KCNT1: variants seen among roughly 807,000 people sequenced by gnomAD.
KCNT1 encodes the protein potassium channel subfamily T member 1.
In KCNT1, 78 loss-of-function variants were observed where a neutral mutation model predicts 147.8. The observed-to-expected ratio is 0.53, with a 90% CI of 0.44 to 0.64. The LOEUF (loss-of-function observed/expected upper bound fraction) is 0.64. KCNT1 is among the 30% of genes least tolerant of loss of function. KCNT1 has a pLI of 0.00. For missense variants in KCNT1, 1,419 were observed against 1,750.3 expected, an observed-to-expected ratio of 0.81 and a Z score of 3.38; for synonymous variants, 867 against 748.8, an observed-to-expected ratio of 1.16 and a Z score of -2.58.
chr9:135,760,168 T>A (rs1018895376), intron 11 of KCNT1, among the ~76,000 whole-genome samples: 1 of 151,340 alleles, frequency 6.6e-6, no homozygotes, highest in Non-Finnish European at 1.5e-5. Context: ...CAGGGAAGGG[T>A]CAAGGTGGAC....
rs1371633827 is a variant in KCNT1 at position 135,752,385 on chromosome 9, A to G, written c.434+1344A>G. ...ACCTCCTGTCTTTGTCTAGGTCAGA[A>G]GAGGGCAGAACCCACTAGGAGAGTT... On this transcript the variant is annotated intron_variant, in intron 4 of 30. Transcript: ENST00000371757. This position sits in a 1 kb window ranked among gnomAD's most constrained non-coding sequence, Gnocchi z 5.1. 4.4e-6 allele frequency: 2 copies of G among 456,502 alleles called. No individual in the cohort carries two copies. Among genetic ancestry groups the G allele is most frequent in the East Asian group, 1.4e-4 (2 of 14,356 alleles). 28.3% of individuals were successfully genotyped at this position (456,502 alleles called of 1,614,324 possible). A position where few individuals can be genotyped will look rare whatever the true frequency, so the allele number is the denominator to read the frequency against.
intron 1 of KCNT1, among the ~76,000 whole-genome samples, chr9:135,710,209 T>G (rs1207728205): frequency 1.3e-5 from 2 of 152,214 alleles, no homozygotes; most frequent in Non-Finnish European, 2.9e-5. Flanking sequence ...ATAAAAGGCC[T>G]TCTCAGCTCT....
intron 2 of KCNT1, among the ~76,000 whole-genome samples, chr9:135,749,369 C>T (rs1043122386): frequency 2.5e-4 from 38 of 152,334 alleles, no homozygotes; most frequent in African/African-American, 8.9e-4. Context: ...TCAGGACCGC[C>T]GGGGCCCGGT....
intron 2 of KCNT1, among the ~76,000 whole-genome samples, chr9:135,736,156 C>A (rs1234623725): frequency 6.6e-6 from 1 of 152,158 alleles, no homozygotes; most frequent in African/African-American, 2.4e-5. Flanking sequence ...CAGCCATCAC[C>A]CCCCTGGCCA....
chr9:135,706,189 T>C (rs899667544), intron 1 of KCNT1, among the ~76,000 whole-genome samples: 6 of 152,194 alleles, frequency 3.9e-5, no homozygotes, highest in Admixed American at 6.5e-5. Flanking sequence ...GAGGTTGTGT[T>C]GAGCCCATGC....
chr9:135,768,439 CCCGCCTTCCATCCTCT>C (rs1311840614), intron 13 of KCNT1, 155 bp from the exon 14 acceptor site: 209 of 583,598 alleles, frequency 3.6e-4, no homozygotes, highest in African/African-American at 1.1e-3. Context: ...TTCCATCCTC[CCCGCCTTCCATCCTCT>C]CCGCCTTCCA....
chr9:135,774,405 G>GTGTGTGGTGTGTGTCTGTGTGT (rs1832989760), intron 19 of KCNT1, among the ~76,000 whole-genome samples: 1 of 145,476 alleles, frequency 6.9e-6, no homozygotes, highest in African/African-American at 2.6e-5. Flanking sequence ...GTGTCCGTGT[G>GTGTGTGGTGTGTGTCTGTGTGT]TGTGTGGTGT....
Position 135,768,594 on chromosome 9 carries a change from C to A in KCNT1, c.1338-16C>A, listed in dbSNP as rs1452435743. The A allele has an allele frequency of 2.6e-6, 4 of 1,549,490 alleles. No homozygotes were observed. Among genetic ancestry groups the A allele is most frequent in the Admixed American group, 2.0e-5 (1 of 50,950 alleles). On this transcript the variant is annotated splice_polypyrimidine_tract_variant and intron_variant, in intron 13 of 30. Coordinates refer to ENST00000371757, the MANE Select transcript of KCNT1 (RefSeq NM_020822.3). ...CTCCCCTGCTCCACCCACGCTCAGG[C>A]CCTGGTGCATTGCAGGATGGACAAT...
At chr9:135,756,849 C>T in intron 6 of KCNT1, 24 bp from the exon 7 acceptor site, 1 of 1,610,110 alleles carries the variant, frequency 6.2e-7, no homozygotes, top group Non-Finnish European at 8.5e-7. Flanking sequence ...TGCTCCAGAG[C>T]TCCTTCCCTT....
rs1187241838 is a variant in KCNT1, at chr9:135,772,673, G to GGTGGGAGTCGGGCTGT, written c.2009-40_2009-25dup. ...CTCTGGGAACTCGCCGCCCATGGAGGGTGGGAGTCGGGCTGTGGCCAAGCA... is the reference window on the plus strand; with the variant it reads ...CTCTGGGAACTCGCCGCCCATGGAGGGTGGGAGTCGGGCTGTGTGGGAGTCGGGCTGTGGCCAAGCA... On this transcript the variant is annotated intron_variant, in intron 18 of 30. Coordinates refer to ENST00000371757, the MANE Select transcript of KCNT1 (RefSeq NM_020822.3). The GGTGGGAGTCGGGCTGT allele has an allele frequency of 1.0e-5, 14 of 1,338,388 alleles. No individual in the cohort carries two copies. In the South Asian group the frequency reaches 2.7e-4, roughly 26 times the overall value. The allele number at this position is 1,338,388 out of a possible 1,614,324, so 82.9% of individuals were successfully genotyped here.
intron 1 of KCNT1, among the ~76,000 whole-genome samples, chr9:135,712,493 T>C (rs1375523906): frequency 6.6e-6 from 1 of 151,968 alleles, no homozygotes; most frequent in Non-Finnish European, 1.5e-5. Flanking sequence ...TATGCCAGGG[T>C]TATGTTCCAG....
At chr9:135,736,320 G>C (rs868782470) in intron 2 of KCNT1, among the ~76,000 whole-genome samples, 59 of 152,254 alleles carry the variant, frequency 3.9e-4, no homozygotes, top group African/African-American at 1.3e-3. Context: ...TGCCGCCCGG[G>C]GTGGGCGCCC....
rs1480794960 is a variant in KCNT1 at position 135,793,411 on chromosome 9, C to T, written c.*1250C>T. 1 of 152,218 alleles carries T rather than the reference C, an allele frequency of 6.6e-6. No individual in the cohort carries two copies. Among genetic ancestry groups the T allele is most frequent in the Non-Finnish European group, 1.5e-5 (1 of 68,034 alleles). 9.4% of individuals were successfully genotyped at this position (152,218 alleles called of 1,614,324 possible). A position where few individuals can be genotyped will look rare whatever the true frequency, so the allele number is the denominator to read the frequency against. On this transcript the variant is annotated 3_prime_UTR_variant, in exon 31 of 31. Coordinates refer to ENST00000371757, the MANE Select transcript of KCNT1 (RefSeq NM_020822.3). ...GCTGTCTGGTGAGCTGCCCATCAGC[C>T]TCACCCCTGCAGCCAGGCATGTCCC...
At chr9:135,704,164 G>A (rs1469755167) in intron 1 of KCNT1, among the ~76,000 whole-genome samples, 3 of 152,232 alleles carry the variant, frequency 2.0e-5, no homozygotes, top group Non-Finnish European at 4.4e-5. Flanking sequence ...GCTCTCACAT[G>A]GGGAGGAGGG....
chr9:135,717,691 G>A (rs547216069), intron 2 of KCNT1, among the ~76,000 whole-genome samples: 2 of 152,336 alleles, frequency 1.3e-5, no homozygotes, highest in African/African-American at 4.8e-5. Context: ...GCCTCGACTG[G>A]ATGTAAGAGA....
At position 135,730,534 on chromosome 9, in the gene KCNT1, G is replaced by A. The variant is rs1836387178; in HGVS notation, c.254+15814G>A. ...GAAGGAGATGAGCAGGGGAAGCAAGGACTGGAGCGATGGGAGGAGGGGCCC... is the reference window on the plus strand; with the variant it reads ...GAAGGAGATGAGCAGGGGAAGCAAGAACTGGAGCGATGGGAGGAGGGGCCC... On this transcript the variant is annotated intron_variant, in intron 2 of 30. Coordinates refer to ENST00000371757, the MANE Select transcript of KCNT1 (RefSeq NM_020822.3). This position sits in a 1 kb window ranked among gnomAD's most constrained non-coding sequence, Gnocchi z 4.7. Among the ~76,000 whole-genome samples, 1 of 152,172 alleles carries A rather than the reference G, an allele frequency of 6.6e-6. No homozygotes were observed. Among genetic ancestry groups the A allele is most frequent in the African/African-American group, 2.4e-5 (1 of 41,434 alleles).
rs1834718705 is a variant in KCNT1, at chr9:135,794,325, C to T, written c.*2164C>T. ...GCCTCTCTCCAGGGGTGAGCGGAGC[C>T]CCCCAAAGAGGGCTGAAGGCTTGCT... On this transcript the variant is annotated 3_prime_UTR_variant, in exon 31 of 31. Coordinates refer to ENST00000371757, the MANE Select transcript of KCNT1 (RefSeq NM_020822.3). 6.6e-6 allele frequency: 1 copy of T among 152,342 alleles called. No homozygotes were observed. The highest frequency in any genetic ancestry group is 1.5e-5 in the Non-Finnish European group (1 of 68,134). The allele number at this position is 152,342 out of a possible 1,614,324, so 9.4% of individuals were successfully genotyped here.
At chr9:135,707,409 T>C (rs1168554305) in intron 1 of KCNT1, among the ~76,000 whole-genome samples, 1 of 152,078 alleles carries the variant, frequency 6.6e-6, no homozygotes, top group African/African-American at 2.4e-5. Flanking sequence ...ATGATCACCA[T>C]TGCCCCCAGC....
chr9:135,726,665 C>T (rs1564323096), intron 2 of KCNT1, among the ~76,000 whole-genome samples: 1 of 151,862 alleles, frequency 6.6e-6, no homozygotes, highest in Non-Finnish European at 1.5e-5. Context: ...CTCTCCCTCC[C>T]TCTATCTCTC....
Sources: gnomAD v4.1 joint callset for allele counts (sites outside exome capture counted in the v4.1 genomes callset) on GRCh38, gnomAD v4.1.1 for gene constraint, Gnocchi (gnomAD v3.1) non-coding constraint, MANE v1.5 for transcripts, NCBI Gene and HGNC (gene_info 2026-07-23, HGNC 2026-07-21) for gene names.